Variants in LRBA observed in about 807,000 individuals in gnomAD.
LRBA encodes the protein LPS responsive beige-like anchor protein.
Under a neutral mutation model 330.0 loss-of-function variants are expected in LRBA, and 176 were observed. The ratio of observed to expected loss-of-function variants is 0.53; its 90% CI spans 0.47 to 0.60. The LOEUF (loss-of-function observed/expected upper bound fraction) is 0.60. Ranked by LOEUF, LRBA falls within the 20% of genes least tolerant of loss-of-function variation. LRBA has a pLI of 0.00. For synonymous variants in LRBA, 1,230 were observed against 1,193.0 expected (o/e 1.03, Z -0.64); for missense variants, 3,259 against 3,444.8 (o/e 0.95, Z 1.35).
At chr4:150,631,498 T>C (rs1240615587) in intron 37 of LRBA, among the ~76,000 whole-genome samples, 1 of 152,216 alleles carries the variant, frequency 6.6e-6, no homozygotes, top group Non-Finnish European at 1.5e-5. Flanking sequence ...TCTGCATGAA[T>C]GGCATATATG....
At chr4:150,893,008 T>C in intron 17 of LRBA, 44 bp downstream of exon 17, 1 of 1,215,562 alleles carries the variant, frequency 8.2e-7, no homozygotes, top group South Asian at 1.4e-5. Context: ...CTTTCAAATA[T>C]TTCCAAACTA....
chr4:150,308,940 T>C (rs1181925737), intron 52 of LRBA, among the ~76,000 whole-genome samples: 3 of 152,150 alleles, frequency 2.0e-5, no homozygotes, highest in Non-Finnish European at 2.9e-5. Context: ...AAATTTAGTG[T>C]AGTCTAAGTG....
chr4:150,479,940 A>G (rs1757113913), intron 42 of LRBA, among the ~76,000 whole-genome samples: 1 of 152,194 alleles, frequency 6.6e-6, no homozygotes, highest in South Asian at 2.1e-4. Context: ...ATGTTTGTGC[A>G]TTCTATCGCA....
intron 44 of LRBA, among the ~76,000 whole-genome samples, chr4:150,444,535 G>GT (rs1752338172): frequency 6.6e-6 from 1 of 152,020 alleles, no homozygotes; most frequent in Non-Finnish European, 1.5e-5. Flanking sequence ...AGGGTATTTC[G>GT]TTATATGCTA....
chr4:150,812,837 T>C lies in LRBA; in HGVS notation c.5305+4287A>G, dbSNP rs547243366. On this transcript the variant is annotated intron_variant, in intron 31 of 56. Coordinates refer to ENST00000651943, the MANE Select transcript of LRBA (RefSeq NM_001364905.1). ...ACTATTGAGCTAGTTTCAATTTTGA[T>C]TTATTCATTTATGCTTTGCAATATA... is the stretch of plus-strand genomic sequence containing the variant. Among the ~76,000 whole-genome samples, 9 of 152,338 alleles carry C rather than the reference T, an allele frequency of 5.9e-5. No homozygotes were observed. In the South Asian group the frequency reaches 1.9e-3, roughly 32 times the overall value.
chr4:150,438,443 C>T (rs1161897403), intron 44 of LRBA, among the ~76,000 whole-genome samples: 1 of 152,050 alleles, frequency 6.6e-6, no homozygotes, highest in Non-Finnish European at 1.5e-5. Flanking sequence ...TATGATTGTG[C>T]CACTGTACTC....
At chr4:150,845,594 A>C (rs1749739831) in intron 26 of LRBA, among the ~76,000 whole-genome samples, 1 of 152,212 alleles carries the variant, frequency 6.6e-6, no homozygotes, top group Non-Finnish European at 1.5e-5. Flanking sequence ...GGGAGAGCAA[A>C]TTAGGAACAA....
chr4:151,008,748 G>A (rs978571636), intron 2 of LRBA, among the ~76,000 whole-genome samples: 12 of 151,430 alleles, frequency 7.9e-5, no homozygotes, highest in African/African-American at 2.9e-4. Flanking sequence ...GCTGAGGCAG[G>A]CGGATCACGA....
intron 36 of LRBA, chr4:150,721,372 C>A: frequency 3.4e-6 from 1 of 291,520 alleles, no homozygotes. Flanking sequence ...GAAGAATTTT[C>A]ATTGTCCAAT....
chr4:150,726,197 A>G (rs1399725544), intron 36 of LRBA, among the ~76,000 whole-genome samples: 1 of 152,196 alleles, frequency 6.6e-6, no homozygotes, highest in Non-Finnish European at 1.5e-5. Flanking sequence ...CAAAAGAAAT[A>G]AAGTGGCTGA....
chr4:150,644,223 T>A (rs977589683), intron 37 of LRBA, among the ~76,000 whole-genome samples: 8 of 151,972 alleles, frequency 5.3e-5, no homozygotes. Context: ...TTTTAAAATA[T>A]AATACACATC....
intron 53 of LRBA, 109 bp from the exon 54 acceptor site, chr4:150,286,143 G>C: frequency 1.2e-6 from 1 of 801,882 alleles, no homozygotes; most frequent in Admixed American, 3.0e-5. Flanking sequence ...TATAGTTTGG[G>C]AATTTGTCCA....
In LRBA at chr4:150,275,596, A is replaced by G. The variant is rs192796378; in HGVS notation, c.8468+2257T>C. On this transcript the variant is annotated intron_variant, in intron 56 of 56. Transcript: ENST00000651943. The stretch of plus-strand genomic sequence containing the variant: ...ACTTCAGCAAAGTCTCAGGATACAA[A>G]ATCAATGTGCAAAAATCACAAGCAT... Among the ~76,000 whole-genome samples, 874 of 152,326 alleles carry G rather than the reference A, an allele frequency of 5.7e-3. 7 individuals carry two copies. Among genetic ancestry groups the G allele is most frequent in the African/African-American group, 0.02 (817 of 41,572 alleles).
At chr4:150,889,323 A>G (rs534502006) in intron 17 of LRBA, among the ~76,000 whole-genome samples, 2 of 152,066 alleles carry the variant, frequency 1.3e-5, no homozygotes, top group African/African-American at 2.4e-5. Context: ...TCTGGCATAA[A>G]TGGCTTAAAT....
At chr4:150,723,248 C>T (rs201219555) in intron 36 of LRBA, among the ~76,000 whole-genome samples, 1 of 152,152 alleles carries the variant, frequency 6.6e-6, no homozygotes, top group Non-Finnish European at 1.5e-5. Context: ...CTTGCATTAG[C>T]CGTGCCCTAA....
At chr4:150,870,763 TCTAAA>T (rs1753335253) in intron 19 of LRBA, among the ~76,000 whole-genome samples, 157 bp from the exon 20 acceptor site, 1 of 152,310 alleles carries the variant, frequency 6.6e-6, no homozygotes, top group Admixed American at 6.5e-5. Context: ...ATAATATACT[TCTAAA>T]ATAACTACAG....
intron 40 of LRBA, among the ~76,000 whole-genome samples, chr4:150,517,002 A>G (rs1017558264): frequency 3.3e-5 from 5 of 152,206 alleles, no homozygotes; most frequent in Admixed American, 6.5e-5. Flanking sequence ...TATATTTATG[A>G]TGTATCTTCT....
At chr4:150,509,025 T>C (rs1761508262) in intron 40 of LRBA, among the ~76,000 whole-genome samples, 2 of 152,338 alleles carry the variant, frequency 1.3e-5, no homozygotes, top group South Asian at 4.1e-4. Flanking sequence ...CAATAGATTG[T>C]TTGCACAGCA....
rs372660981 is a variant in LRBA at position 150,315,535 on chromosome 4, C to A, written c.7693+26G>T. On this transcript the variant is annotated intron_variant, in intron 51 of 56. Coordinates refer to ENST00000651943, the MANE Select transcript of LRBA (RefSeq NM_001364905.1). ...GGCCACCATACAGAGCTTAATGAAT[C>A]GCAAAGAGAGAAGGAAGTGACAGAC... 4 of 1,599,598 alleles carry A rather than the reference C, an allele frequency of 2.5e-6. No homozygotes were observed. The African/African-American group carries it at 5.4e-5, about 22-fold the overall frequency.
Sources: allele counts gnomAD v4.1 joint callset (sites outside exome capture counted in the v4.1 genomes callset), GRCh38; gene constraint gnomAD v4.1.1; transcripts MANE v1.5; gene names NCBI Gene and HGNC (gene_info 2026-07-23, HGNC 2026-07-21).